Variants in FBN2 observed in about 807,000 individuals in gnomAD.
FBN2 encodes the protein fibrillin-2.
Under a neutral mutation model 355.6 loss-of-function variants are expected in FBN2, and 105 were observed. The ratio of observed to expected loss-of-function variants is 0.30; its 90% CI spans 0.25 to 0.35. The LOEUF is 0.35. FBN2 is among the 10% of genes least tolerant of loss of function. The pLI is 1.00. For synonymous variants in FBN2, 1,350 were observed against 1,301.2 expected (o/e 1.04, Z -0.81); for missense variants, 3,280 against 3,758.7 (o/e 0.87, Z 3.33).
intron 31 of FBN2, 55 bp from the exon 32 acceptor site, chr5:128,333,089 C>A (rs1475188516): frequency 1.1e-5 from 16 of 1,478,082 alleles, no homozygotes; most frequent in Non-Finnish European, 1.5e-5. Context: ...ATTAATTCTA[C>A]TTCCAAGTAT....
chr5:128,513,074 A>T (rs1268210050), intron 5 of FBN2, among the ~76,000 whole-genome samples: 1 of 152,232 alleles, frequency 6.6e-6, no homozygotes, highest in African/African-American at 2.4e-5. Flanking sequence ...AGTAACACTT[A>T]GTGGAAGCTT....
chr5:128,330,751 A>G, intron 32 of FBN2, 56 bp from the exon 33 acceptor site: 1 of 1,592,936 alleles, frequency 6.3e-7, no homozygotes, highest in Non-Finnish European at 8.6e-7. Flanking sequence ...AAGCACCTGG[A>G]AAGATTATCG....
At chr5:128,383,478 T>C (rs1752288303) in intron 11 of FBN2, among the ~76,000 whole-genome samples, 2 of 151,964 alleles carry the variant, frequency 1.3e-5, no homozygotes, top group South Asian at 4.1e-4. Flanking sequence ...TAAAGCTTCG[T>C]CGGAATTAAA....
intron 7 of FBN2, among the ~76,000 whole-genome samples, chr5:128,423,132 GA>G (rs139059967): frequency 0.11 from 16,380 of 152,030 alleles, 1,046 homozygotes; most frequent in African/African-American, 0.17. Context: ...AAGGGGCCAG[GA>G]AAGACTTCCC....
intron 5 of FBN2, among the ~76,000 whole-genome samples, chr5:128,501,709 TAA>T (rs1276402579): frequency 1.3e-5 from 2 of 151,800 alleles, no homozygotes; most frequent in Non-Finnish European, 2.9e-5. Context: ...AACAGTGAAA[TAA>T]AAGAGAAACT....
intron 8 of FBN2, among the ~76,000 whole-genome samples, chr5:128,398,646 G>A (rs1752711801): frequency 6.6e-6 from 1 of 152,098 alleles, no homozygotes; most frequent in Non-Finnish European, 1.5e-5. Flanking sequence ...GTTAAAAAGA[G>A]GTTAAGAAAT....
intron 7 of FBN2, among the ~76,000 whole-genome samples, chr5:128,411,369 A>G (rs897352774): frequency 6.6e-6 from 1 of 152,178 alleles, no homozygotes; most frequent in Non-Finnish European, 1.5e-5. Context: ...ACGTGAATGA[A>G]TTGAAGGATG....
chr5:128,457,994 C>A (rs1581314534), intron 6 of FBN2, among the ~76,000 whole-genome samples: 1 of 151,848 alleles, frequency 6.6e-6, no homozygotes, highest in East Asian at 1.9e-4. Context: ...GGCTAAATGC[C>A]CCAATTAAAA....
chr5:128,320,098 G>T lies in FBN2; in HGVS notation c.4472-1097C>A, dbSNP rs1371110231. On this transcript the variant is annotated intron_variant, in intron 34 of 64. Transcript: ENST00000262464. ...CATGTGCAAAGGTGTCTTTTATTGT[G>T]TTGGGGGTAAGAAAGTTATTCTCTT... Among the ~76,000 whole-genome samples the T allele has an allele frequency of 5.3e-5, 8 of 152,174 alleles. No homozygotes were observed. The East Asian group carries it at 1.3e-3, about 26-fold the overall frequency.
intron 5 of FBN2, among the ~76,000 whole-genome samples, chr5:128,472,190 G>A (rs1754878554): frequency 6.6e-6 from 1 of 152,180 alleles, no homozygotes; most frequent in Non-Finnish European, 1.5e-5. Flanking sequence ...TAGAAAGGAA[G>A]AAAATTCTGA....
In FBN2 at chr5:128,277,993, C is replaced by T; in HGVS notation, c.7358G>A (p.Cys2453Tyr). ...YTTDGRDIDE[C>Y]KVMPNLCTNG... Reference sequence around the variant, plus strand: ...GGTGCAGAGGTTTGGCATTACCTTACATTCATCAATATCTGTGGACCAAAA... The same window carrying T: ...GGTGCAGAGGTTTGGCATTACCTTATATTCATCAATATCTGTGGACCAAAA... The change falls in exon 58 of 65, where the codon TGT (cysteine) becomes TAT (tyrosine). Residue 2453 changes from cysteine (C) to tyrosine (Y), a missense_variant. Coordinates refer to ENST00000262464, the MANE Select transcript of FBN2 (RefSeq NM_001999.4). The T allele has an allele frequency of 6.2e-7, 1 of 1,614,028 alleles. No homozygotes were observed. The highest frequency in any genetic ancestry group is 1.1e-5 in the South Asian group (1 of 91,086).
Position 128,311,184 on chromosome 5 carries a change from T to C in FBN2, c.5074+116A>G, listed in dbSNP as rs1445998873. On this transcript the variant is annotated intron_variant, in intron 39 of 64. Transcript: ENST00000262464. ...ATTGATATGAAAAAAAAAAAAGCTA[T>C]GAACCAATCTTAATTGAGCCTTTTG... 1.0e-5 allele frequency: 11 copies of C among 1,078,580 alleles called. 1 individual carries two copies. The highest frequency in any genetic ancestry group is 1.5e-5 in the Non-Finnish European group (11 of 719,006). 66.8% of individuals were successfully genotyped at this position (1,078,580 alleles called of 1,614,324 possible).
intron 5 of FBN2, among the ~76,000 whole-genome samples, chr5:128,489,153 C>T (rs907816212): frequency 3.9e-5 from 6 of 152,138 alleles, no homozygotes; most frequent in Admixed American, 2.0e-4. Flanking sequence ...ACATCCTCTC[C>T]AGCACCTGTT....
At chr5:128,488,658 C>G (rs1283497359) in intron 5 of FBN2, among the ~76,000 whole-genome samples, 4 of 151,452 alleles carry the variant, frequency 2.6e-5, no homozygotes, top group South Asian at 2.1e-4. Context: ...CCCTTCCCCC[C>G]ACCCCACAAC....
intron 55 of FBN2, among the ~76,000 whole-genome samples, chr5:128,280,693 T>G (rs993576974): frequency 6.6e-6 from 1 of 151,944 alleles, no homozygotes; most frequent in African/African-American, 2.4e-5. Flanking sequence ...GGGAGAGGGA[T>G]GGTGGGTGTT....
chr5:128,301,331 C>A, intron 47 of FBN2, 51 bp downstream of exon 47: 1 of 1,518,094 alleles, frequency 6.6e-7, no homozygotes, highest in South Asian at 1.1e-5. Flanking sequence ...CACATATCAT[C>A]ATTTTACAAA....
intron 11 of FBN2, among the ~76,000 whole-genome samples, chr5:128,384,489 C>T (rs958854707): frequency 6.6e-6 from 1 of 152,070 alleles, no homozygotes; most frequent in Non-Finnish European, 1.5e-5. Flanking sequence ...GTTTAAAAAT[C>T]TGCACAATAC....
At chr5:128,299,433 T>TTG (rs1561756614) in intron 48 of FBN2, among the ~76,000 whole-genome samples, 2 of 132,184 alleles carry the variant, frequency 1.5e-5, no homozygotes, top group African/African-American at 5.6e-5. Context: ...TCCCCCAGCC[T>TTG]CACAGTTTGA....
rs150214511 is a variant in FBN2, at chr5:128,305,241, T to C, written c.5675-159A>G. Among the ~76,000 whole-genome samples the C allele has an allele frequency of 1.2e-3, 183 of 152,258 alleles. 1 individual carries two copies. Among genetic ancestry groups the C allele is most frequent in the African/African-American group, 4.1e-3 (169 of 41,562 alleles). ...TCAAAATGAGCAGGACTTCAAAGTA[T>C]CCAACCCTCTTTTTTTAATCATGCA... On this transcript the variant is annotated intron_variant, in intron 44 of 64. Transcript: ENST00000262464.
Sources: allele counts gnomAD v4.1 joint callset (sites outside exome capture counted in the v4.1 genomes callset), GRCh38; gene constraint gnomAD v4.1.1; transcripts MANE v1.5; gene names NCBI Gene and HGNC (gene_info 2026-07-23, HGNC 2026-07-21).